The following PIAS1 variants were observed in gnomAD, a reference collection of about 807,000 sequenced individuals.
PIAS1 encodes E3 SUMO-protein ligase PIAS1.
Under a neutral mutation model 71.3 loss-of-function variants are expected in PIAS1, and 6 were observed. The ratio of observed to expected loss-of-function variants is 0.08; its 90% CI spans 0.05 to 0.17. The LOEUF is 0.17. PIAS1 is among the 10% of genes least tolerant of loss of function. PIAS1 has a pLI of 1.00. For synonymous variants in PIAS1, 303 were observed against 292.9 expected (o/e 1.03, Z -0.35); for missense variants, 555 against 793.6 (o/e 0.70, Z 3.61).
intron 1 of PIAS1, among the ~76,000 whole-genome samples, chr15:68,066,776 CTTAAAGG>C (rs1326915477): frequency 6.6e-6 from 1 of 151,604 alleles, no homozygotes; most frequent in Non-Finnish European, 1.5e-5. Flanking sequence ...CAGGTAGCAT[CTTAAAGG>C]TTAAAGACCT....
At chr15:68,154,223 G>A (rs2092870833) in intron 7 of PIAS1, among the ~76,000 whole-genome samples, 1 of 152,184 alleles carries the variant, frequency 6.6e-6, no homozygotes, top group African/African-American at 2.4e-5. Context: ...CGAAGTCTGG[G>A]TTCATACGTG....
chr15:68,066,286 T>C (rs1299373646), intron 1 of PIAS1, among the ~76,000 whole-genome samples: 2 of 151,910 alleles, frequency 1.3e-5, no homozygotes, highest in African/African-American at 4.8e-5. Flanking sequence ...TATTTGTGTT[T>C]TTAGTAGAGA....
At chr15:68,150,856 A>G (rs1371029461) in intron 6 of PIAS1, among the ~76,000 whole-genome samples, 6 of 152,168 alleles carry the variant, frequency 3.9e-5, no homozygotes, top group Admixed American at 3.9e-4. Flanking sequence ...TAATGCAGAT[A>G]TTCCAAAATC....
At chr15:68,065,736 C>CTTTTTTTTTTT (rs35947814) in intron 1 of PIAS1, among the ~76,000 whole-genome samples, 1 of 99,572 alleles carries the variant, frequency 1.0e-5, no homozygotes, top group Non-Finnish European at 1.9e-5. Flanking sequence ...GCTTGAAGTA[C>CTTTTTTTTTTT]TTTTTTTTTT....
In PIAS1 at chr15:68,189,496, T is replaced by C. The variant is rs973323697; in HGVS notation, c.*1661T>C. ...ACTTTAATCCAGGTAGAATTCAAGA[T>C]GGCTGTACTTCAGTTGTATGATAAA... On this transcript the variant is annotated 3_prime_UTR_variant, in exon 14 of 14. Coordinates refer to ENST00000249636, the MANE Select transcript of PIAS1 (RefSeq NM_016166.3). 5 of 152,206 alleles carry C rather than the reference T, an allele frequency of 3.3e-5. No individual in the cohort carries two copies. The highest frequency in any genetic ancestry group is 2.0e-4 in the Admixed American group (3 of 15,284). 9.4% of individuals were successfully genotyped at this position (152,206 alleles called of 1,614,324 possible). A position where few individuals can be genotyped will look rare whatever the true frequency, so the allele number is the denominator to read the frequency against.
chr15:68,106,771 A>T (rs2092474260), intron 2 of PIAS1, among the ~76,000 whole-genome samples: 1 of 152,192 alleles, frequency 6.6e-6, no homozygotes, highest in Non-Finnish European at 1.5e-5. Context: ...TTAGGCTCTA[A>T]CGTCAGTGTA....
chr15:68,055,754 A>C (rs2091889228), intron 1 of PIAS1: 1 of 532,654 alleles, frequency 1.9e-6, no homozygotes, highest in Non-Finnish European at 3.3e-6. Flanking sequence ...AATAAATAAA[A>C]ATTATTTAAT....
At chr15:68,057,307 G>T (rs1288861201) in intron 1 of PIAS1, among the ~76,000 whole-genome samples, 2 of 152,144 alleles carry the variant, frequency 1.3e-5, no homozygotes, top group Non-Finnish European at 2.9e-5. Context: ...AGAATGTGGA[G>T]GGTATTTTGT....
intron 12 of PIAS1, among the ~76,000 whole-genome samples, chr15:68,183,161 A>G (rs927151476): frequency 6.6e-6 from 1 of 152,206 alleles, no homozygotes; most frequent in Non-Finnish European, 1.5e-5. Flanking sequence ...TCTGATAGCA[A>G]ATGAGCAAAT....
At chr15:68,103,226 C>G (rs925775535) in intron 2 of PIAS1, among the ~76,000 whole-genome samples, 1 of 152,056 alleles carries the variant, frequency 6.6e-6, no homozygotes, top group African/African-American at 2.4e-5. Context: ...TCTGCCTGAC[C>G]CTTCTTTGAT....
intron 1 of PIAS1, among the ~76,000 whole-genome samples, chr15:68,063,187 A>G (rs905376312): frequency 1.3e-5 from 2 of 152,202 alleles, no homozygotes; most frequent in African/African-American, 4.8e-5. Flanking sequence ...TGCTCAGCCA[A>G]AGCAATTCAT....
intron 2 of PIAS1, among the ~76,000 whole-genome samples, chr15:68,122,561 A>G (rs377094898): frequency 2.0e-5 from 3 of 152,330 alleles, no homozygotes; most frequent in Admixed American, 6.5e-5. Context: ...GGAAATAACA[A>G]TGAAAAAAAT....
intron 1 of PIAS1, among the ~76,000 whole-genome samples, chr15:68,076,333 G>A (rs1410722045): frequency 1.4e-4 from 21 of 151,846 alleles, no homozygotes; most frequent in Admixed American, 1.2e-3. Flanking sequence ...CGGTGAAAGC[G>A]CGTCTTTACT....
Position 68,086,853 on chromosome 15 carries a change from T to C in PIAS1, c.469+103T>C, listed in dbSNP as rs2092287751. On this transcript the variant is annotated intron_variant, in intron 2 of 13. Coordinates refer to ENST00000249636, the MANE Select transcript of PIAS1 (RefSeq NM_016166.3). The surrounding 1 kb of genome is among the most constrained non-coding windows in gnomAD (Gnocchi z 7.2). ...TATTATTCATAATGAAATTTTCATT[T>C]GATAGTAACAGCTGGATAATAATGA... is the stretch of plus-strand genomic sequence containing the variant. 1.6e-6 allele frequency: 1 copy of C among 635,536 alleles called. No individual in the cohort carries two copies. Among genetic ancestry groups the C allele is most frequent in the Admixed American group, 2.9e-5 (1 of 34,116 alleles). 39.4% of individuals were successfully genotyped at this position (635,536 alleles called of 1,614,324 possible). A position where few individuals can be genotyped will look rare whatever the true frequency, so the allele number is the denominator to read the frequency against.
In PIAS1 at chr15:68,171,384, A is replaced by G. The variant is rs1041385567; in HGVS notation, c.1009-2348A>G. On this transcript the variant is annotated intron_variant, in intron 8 of 13. Coordinates refer to ENST00000249636, the MANE Select transcript of PIAS1 (RefSeq NM_016166.3). This position sits in a 1 kb window ranked among gnomAD's most constrained non-coding sequence, Gnocchi z 4.4. ...AAAGGGAGTACACTCCAAAATAATG[A>G]TAAAAAGTATAGTAAATACAGAAAC... Among the ~76,000 whole-genome samples the G allele has an allele frequency of 6.6e-6, 1 of 152,338 alleles. No homozygotes were observed.
rs575195145 is a variant in PIAS1, at chr15:68,077,297, G to A, written c.25-9009G>A. On this transcript the variant is annotated intron_variant, in intron 1 of 13. Transcript: ENST00000249636. ...TATTAAGAGGGATAGTAATACTGCT[G>A]TGTTGGAGACTAGTCACACCATATC... Among the ~76,000 whole-genome samples, 11 of 152,316 alleles carry A rather than the reference G, an allele frequency of 7.2e-5. No homozygotes were observed. In the East Asian group the frequency reaches 2.1e-3, roughly 29 times the overall value.
chr15:68,179,190 T>G (rs1238349401), intron 11 of PIAS1, among the ~76,000 whole-genome samples: 1 of 152,182 alleles, frequency 6.6e-6, no homozygotes, highest in African/African-American at 2.4e-5. Flanking sequence ...TTCAAAACAT[T>G]ATCACAAATT....
chr15:68,088,542 A>AGT (rs2140984649), intron 2 of PIAS1, among the ~76,000 whole-genome samples: 1 of 152,300 alleles, frequency 6.6e-6, no homozygotes. Context: ...AGAATTGCTT[A>AGT]GTGATATGTA....
At chr15:68,112,643 A>G (rs1399527379) in intron 2 of PIAS1, among the ~76,000 whole-genome samples, 6 of 152,314 alleles carry the variant, frequency 3.9e-5, no homozygotes, top group African/African-American at 1.2e-4. Context: ...AAAGTAGTCA[A>G]TTTCTAGAAA....
Sources: allele counts gnomAD v4.1 joint callset (sites outside exome capture counted in the v4.1 genomes callset), GRCh38; gene constraint gnomAD v4.1.1; non-coding constraint Gnocchi (gnomAD v3.1); transcripts MANE v1.5; gene names NCBI Gene and HGNC (gene_info 2026-07-23, HGNC 2026-07-21).